The following TOP6BL variants were observed in gnomAD, a reference collection of about 807,000 sequenced individuals.
TOP6BL encodes the protein TOP6B like initiator of meiotic double strand breaks.
At chr11:66,783,714 G>C in the TOP6BL span, among the ~76,000 whole-genome samples, 1 of 151,836 alleles carries the variant, frequency 6.6e-6, no homozygotes, top group African/African-American at 2.4e-5. Flanking sequence ...ATTTCTTCTG[G>C]ATCTATTTTT....
At chr11:66,786,050 G>C in the TOP6BL span, among the ~76,000 whole-genome samples, 1 of 152,154 alleles carries the variant, frequency 6.6e-6, no homozygotes, top group Non-Finnish European at 1.5e-5. Context: ...TGTAATCCCA[G>C]CACTTTGGGA....
the TOP6BL span, chr11:66,788,298 C>T: frequency 3.5e-6 from 5 of 1,433,218 alleles, no homozygotes; most frequent in Non-Finnish European, 3.9e-6. Flanking sequence ...TTATAAATTA[C>T]TAATGATTTT....
the TOP6BL span, among the ~76,000 whole-genome samples, chr11:66,780,315 T>C: frequency 1.3e-4 from 20 of 152,056 alleles, no homozygotes; most frequent in Admixed American, 1.3e-3. Context: ...AGGAAAAAAA[T>C]AGTCTTTTAT....
chr11:66,799,207 CAAAAAAAA>C, the TOP6BL span, among the ~76,000 whole-genome samples: 1 of 41,858 alleles, frequency 2.4e-5, no homozygotes, highest in Non-Finnish European at 5.0e-5. Context: ...ACTCTGTCTC[CAAAAAAAA>C]AAAAAAAAAA....
chr11:66,780,740 C>G, the TOP6BL span, among the ~76,000 whole-genome samples: 1 of 152,038 alleles, frequency 6.6e-6, no homozygotes, highest in Non-Finnish European at 1.5e-5. Context: ...TGCCACCACA[C>G]CTGGCTAATT....
At chr11:66,775,463 G>A in the TOP6BL span, among the ~76,000 whole-genome samples, 7 of 152,290 alleles carry the variant, frequency 4.6e-5, no homozygotes, top group East Asian at 1.3e-3. Flanking sequence ...TGCCCTATGA[G>A]TATAAGGCTG....
At chr11:66,774,415 G>A in the TOP6BL span, among the ~76,000 whole-genome samples, 1 of 151,874 alleles carries the variant, frequency 6.6e-6, no homozygotes, top group Non-Finnish European at 1.5e-5. Flanking sequence ...TCTCCTCCTT[G>A]TTTTTCTTTT....
At chr11:66,832,184 A>AC in the TOP6BL span, among the ~76,000 whole-genome samples, 1 of 148,612 alleles carries the variant, frequency 6.7e-6, no homozygotes, top group Non-Finnish European at 1.5e-5. Context: ...TGCAAGCTCC[A>AC]CCCCCCGGGT....
At chr11:66,748,697 A>T in the TOP6BL span, among the ~76,000 whole-genome samples, 1 of 152,198 alleles carries the variant, frequency 6.6e-6, no homozygotes, top group Non-Finnish European at 1.5e-5. Flanking sequence ...CATACAGGAA[A>T]GGTGAGTAGT....
chr11:66,815,918 G>C, the TOP6BL span: 2 of 795,150 alleles, frequency 2.5e-6, no homozygotes, highest in Non-Finnish European at 3.8e-6. Context: ...AACAGGTTCA[G>C]GAGGGTAAAT....
chr11:66,818,690 G>C, the TOP6BL span, among the ~76,000 whole-genome samples: 1 of 152,098 alleles, frequency 6.6e-6, no homozygotes, highest in African/African-American at 2.4e-5. Flanking sequence ...CCCCATCAAA[G>C]GCCCTTCCAG....
chr11:66,813,824 A>T, the TOP6BL span: 6 of 1,581,442 alleles, frequency 3.8e-6, no homozygotes, highest in Non-Finnish European at 5.2e-6. Context: ...ATACATAGTC[A>T]TAAGATACTA....
the TOP6BL span, among the ~76,000 whole-genome samples, chr11:66,768,679 T>TG: frequency 6.6e-6 from 1 of 152,034 alleles, no homozygotes; most frequent in Non-Finnish European, 1.5e-5. Context: ...TTTTTTTTTT[T>TG]TTTTGCTTCC....
At chr11:66,784,641 T>G in the TOP6BL span, among the ~76,000 whole-genome samples, 1 of 152,254 alleles carries the variant, frequency 6.6e-6, no homozygotes, top group Non-Finnish European at 1.5e-5. Context: ...TCATACAATA[T>G]GTAGCATTTA....
the TOP6BL span, among the ~76,000 whole-genome samples, chr11:66,777,051 A>ATATATC: frequency 6.6e-5 from 10 of 150,666 alleles, no homozygotes; most frequent in Middle Eastern, 7.0e-3. Flanking sequence ...CACTATATCT[A>ATATATC]TATATCTATA....
At chr11:66,784,006 G>T in the TOP6BL span, among the ~76,000 whole-genome samples, 1 of 150,902 alleles carries the variant, frequency 6.6e-6, no homozygotes, top group Non-Finnish European at 1.5e-5. Flanking sequence ...TTTTGTTTTT[G>T]TTTTTTTTGG....
At chr11:66,839,560 G>A in the TOP6BL span, among the ~76,000 whole-genome samples, 6 of 152,180 alleles carry the variant, frequency 3.9e-5, no homozygotes, top group African/African-American at 1.4e-4. Context: ...CAACACATAC[G>A]CGTTTATGCT....
At chr11:66,785,953 C>CT in the TOP6BL span, among the ~76,000 whole-genome samples, 3 of 151,802 alleles carry the variant, frequency 2.0e-5, no homozygotes, top group Admixed American at 1.3e-4. Context: ...TTTTGTTGTT[C>CT]TTTTCAAAGG....
At chr11:66,800,902 C>A in the TOP6BL span, 1 of 1,076,692 alleles carries the variant, frequency 9.3e-7, no homozygotes, top group Non-Finnish European at 1.4e-6. Context: ...TGCCATTTTC[C>A]CCTTGGTTAA....
Sources: allele counts gnomAD v4.1 joint callset (sites outside exome capture counted in the v4.1 genomes callset), GRCh38; gene constraint gnomAD v4.1.1; transcripts MANE v1.5; gene names NCBI Gene and HGNC (gene_info 2026-07-23, HGNC 2026-07-21).